The following TTF1 variants were observed in gnomAD, a reference collection of about 807,000 sequenced individuals.
The protein encoded by TTF1 is transcription termination factor 1.
In TTF1, 64 loss-of-function variants were observed where a neutral mutation model predicts 80.2. The ratio of observed to expected loss-of-function variants is 0.80; its 90% CI spans 0.65 to 0.98. TTF1 has a LOEUF of 0.98. Ranked by LOEUF, TTF1 falls within the 50% of genes least tolerant of loss-of-function variation. The pLI is 0.00. For missense variants in TTF1, 1,023 were observed against 1,086.2 expected (o/e 0.94, Z 0.82); for synonymous variants, 372 against 382.7 (o/e 0.97, Z 0.33).
At chr9:132,396,343 C>T in intron 5 of TTF1, 90 bp downstream of exon 5, 1 of 1,313,920 alleles carries the variant, frequency 7.6e-7, no homozygotes, top group Non-Finnish European at 1.1e-6. Flanking sequence ...GTTATCTTTA[C>T]TGCTAATCCA....
rs1849787252 is a variant in TTF1, at chr9:132,402,573, G to C, written c.249C>G (p.Leu83=). 1 of 1,613,882 alleles carries C rather than the reference G, an allele frequency of 6.2e-7. No individual in the cohort carries two copies. Residue 83 remains leucine, a synonymous_variant, in exon 2 of 11, where the codon CTC becomes CTG. Transcript: ENST00000334270. ...CDETANATST[L]KKRKKRRYSA... The stretch of plus-strand genomic sequence containing the variant: ...TATATCTTCTCTTTTTTCTCTTTTT[G>C]AGTGTGGAAGTGGCATTTGCAGTCT...
rs185190057 is a variant in TTF1, at chr9:132,382,140, G to A, written c.2379-2996C>T. Among the ~76,000 whole-genome samples the A allele has an allele frequency of 2.2e-4, 33 of 152,288 alleles. No homozygotes were observed. The East Asian group carries it at 2.3e-3, about 11-fold the overall frequency. On this transcript the variant is annotated intron_variant, in intron 9 of 10. Transcript: ENST00000334270. ...ATCGAGAGTGGTGGGCCCTCCAATC[G>A]CAGGAACTGATTAAAATGCAAGAGC... is the stretch of plus-strand genomic sequence containing the variant.
At position 132,402,363 on chromosome 9, in the gene TTF1, T is replaced by G. The variant is rs781076182; in HGVS notation, c.459A>C (p.Ala153=). ...DKFQVLAKSH[A]HKSEALHSKV... ...TACTGTGCAGGGCTTCTGATTTATGTGCATGTGACTTAGCAAGTACCTGAA... is the reference window on the plus strand; with the variant it reads ...TACTGTGCAGGGCTTCTGATTTATGGGCATGTGACTTAGCAAGTACCTGAA... The change falls in exon 2 of 11, where the codon GCA becomes GCC. Residue 153 remains alanine (A), a synonymous_variant. Transcript: ENST00000334270. The G allele has an allele frequency of 1.0e-4, 167 of 1,614,100 alleles. No homozygotes were observed. Among genetic ancestry groups the G allele is most frequent in the Non-Finnish European group, 1.4e-4 (162 of 1,180,044 alleles).
Position 132,379,005 on chromosome 9 carries a change from G to C in TTF1, c.2464+54C>G, listed in dbSNP as rs1170467287. On this transcript the variant is annotated intron_variant, in intron 10 of 10. Coordinates refer to ENST00000334270, the MANE Select transcript of TTF1 (RefSeq NM_007344.4). ...CCTGCCTAGGTGACTTTCATTACCA[G>C]CATGTGGCACCAAATGCCATGTTCT... The C allele has an allele frequency of 2.2e-6, 3 of 1,388,236 alleles. No individual in the cohort carries two copies. In the African/African-American group the frequency reaches 4.4e-5, roughly 20 times the overall value. The allele number at this position is 1,388,236 out of a possible 1,614,324, so 86.0% of individuals were successfully genotyped here. A position where few individuals can be genotyped will look rare whatever the true frequency, so the allele number is the denominator to read the frequency against.
chr9:132,393,512 C>T (rs1402675448), intron 5 of TTF1, among the ~76,000 whole-genome samples: 1 of 152,254 alleles, frequency 6.6e-6, no homozygotes, highest in African/African-American at 2.4e-5. Context: ...TTTAATTCGG[C>T]CCATCCCTTC....
chr9:132,391,834 A>T (rs752374022), intron 6 of TTF1, among the ~76,000 whole-genome samples: 6 of 152,204 alleles, frequency 3.9e-5, no homozygotes, highest in Non-Finnish European at 8.8e-5. Flanking sequence ...TCCACTTGGC[A>T]GTTATATTTG....
At chr9:132,377,569 A>T (rs1849231122) in intron 10 of TTF1, among the ~76,000 whole-genome samples, 1 of 23,356 alleles carries the variant, frequency 4.3e-5, no homozygotes, top group Non-Finnish European at 9.2e-5. Context: ...GCATGTGGTG[A>T]GTGCATGTGG....
chr9:132,396,363 A>AT, intron 5 of TTF1, 70 bp downstream of exon 5: 1 of 1,455,504 alleles, frequency 6.9e-7, no homozygotes, highest in Non-Finnish European at 9.6e-7. Context: ...ACTGCTGTGA[A>AT]TATTTTGATT....
intron 4 of TTF1, among the ~76,000 whole-genome samples, 159 bp from the exon 5 acceptor site, chr9:132,396,670 G>A (rs796232850): frequency 1.1e-5 from 1 of 87,604 alleles, no homozygotes; most frequent in South Asian, 4.2e-4. Flanking sequence ...TGTTTTTTTT[G>A]TTTGTTTTTT....
chr9:132,393,448 G>C (rs550501166), intron 5 of TTF1, among the ~76,000 whole-genome samples: 2 of 152,262 alleles, frequency 1.3e-5, no homozygotes, highest in Non-Finnish European at 2.9e-5. Context: ...TAACATGAGC[G>C]ATCTGTGCCA....
chr9:132,398,309 C>G lies in TTF1; in HGVS notation c.1609G>C (p.Gly537Arg), dbSNP rs1417198087. ...TTATTTTCCTTTACAGAAAACTTGC[C>G]AAATTTAATAGCGACACCTAGAATT... The part of the protein sequence containing the change: ...FKAQGVAIKF[G>R]KFSVKENKQL... Residue 537 changes from glycine to arginine, a missense_variant, in exon 4 of 11, where the codon GGC (glycine) becomes CGC (arginine). Coordinates refer to ENST00000334270, the MANE Select transcript of TTF1 (RefSeq NM_007344.4). The G allele has an allele frequency of 6.2e-7, 1 of 1,606,912 alleles. No homozygotes were observed. Among genetic ancestry groups the G allele is most frequent in the Non-Finnish European group, 8.5e-7 (1 of 1,177,772 alleles).
intron 7 of TTF1, among the ~76,000 whole-genome samples, chr9:132,389,206 G>C (rs141975318): frequency 1.4e-5 from 2 of 142,742 alleles, no homozygotes; most frequent in Admixed American, 7.0e-5. Flanking sequence ...TTTTTGAGAC[G>C]GAGTCTGGCA....
At chr9:132,378,321 GGT>G (rs1184740140) in intron 10 of TTF1, among the ~76,000 whole-genome samples, 32 of 136,832 alleles carry the variant, frequency 2.3e-4, no homozygotes, top group South Asian at 1.7e-3. Flanking sequence ...GAGTGCATGT[GGT>G]GTGTGTGTGA....
At chr9:132,392,250 A>G (rs754955808) in intron 5 of TTF1, 44 bp from the exon 6 acceptor site, 17 of 1,610,730 alleles carry the variant, frequency 1.1e-5, no homozygotes, top group Non-Finnish European at 1.4e-5. Flanking sequence ...ACGAACTATC[A>G]GATTAAAAAT....
At chr9:132,396,535 A>T in intron 4 of TTF1, 24 bp from the exon 5 acceptor site, 1 of 1,604,928 alleles carries the variant, frequency 6.2e-7, no homozygotes, top group African/African-American at 1.3e-5. Context: ...AAAGGTGATC[A>T]GAGGGACTCA....
At chr9:132,403,862 T>G (rs539130245) in intron 1 of TTF1, among the ~76,000 whole-genome samples, 1 of 152,106 alleles carries the variant, frequency 6.6e-6, no homozygotes, top group Non-Finnish European at 1.5e-5. Context: ...GTGAAAGAAG[T>G]TGGATATGCC....
At chr9:132,378,244 A>T (rs1287145245) in intron 10 of TTF1, among the ~76,000 whole-genome samples, 1 of 101,556 alleles carries the variant, frequency 9.8e-6, no homozygotes, top group Non-Finnish European at 1.9e-5. Flanking sequence ...ATGTGGTGTG[A>T]GTGCATGTGG....
intron 5 of TTF1, 98 bp from the exon 6 acceptor site, chr9:132,392,304 T>C (rs1247609029): frequency 3.5e-6 from 5 of 1,434,742 alleles, no homozygotes; most frequent in Non-Finnish European, 4.7e-6. Context: ...GAAAGCTGAA[T>C]GGGGCAGGCT....
At chr9:132,388,342 CTT>C (rs879104319) in intron 7 of TTF1, 114 bp from the exon 8 acceptor site, 708 of 514,062 alleles carry the variant, frequency 1.4e-3, no homozygotes, top group Middle Eastern at 3.7e-3. Context: ...TCTAACTTTT[CTT>C]TTTTTTTTTT....
Sources: allele counts gnomAD v4.1 joint callset (sites outside exome capture counted in the v4.1 genomes callset), GRCh38; gene constraint gnomAD v4.1.1; transcripts MANE v1.5; gene names NCBI Gene and HGNC (gene_info 2026-07-23, HGNC 2026-07-21).